The following ENDOD1 variants were observed in gnomAD, a reference collection of about 807,000 sequenced individuals.
ENDOD1 encodes endonuclease domain-containing 1 protein.
Under a neutral mutation model 6.5 loss-of-function variants are expected in ENDOD1, and 9 were observed. The observed-to-expected ratio is 1.39, with a 90% confidence interval of 0.84 to 2.43. The LOEUF (loss-of-function observed/expected upper bound fraction) is 2.43, where lower values mean the gene tolerates loss of function less well. Among genes scored for constraint, ENDOD1 ranks in the 30% most tolerant of loss-of-function variants. The pLI is 0.00. For synonymous variants in ENDOD1, 255 were observed against 255.2 expected, an observed-to-expected ratio of 1.00 and a Z score of 0.01; for missense variants, 648 against 635.5, an observed-to-expected ratio of 1.02 and a Z score of -0.21.
chr11:95,129,143 A>G lies in ENDOD1; in HGVS notation c.1067A>G (p.Asn356Ser). 1 of 1,614,178 alleles carries G rather than the reference A, an allele frequency of 6.2e-7. No individual in the cohort carries two copies. Among genetic ancestry groups the G allele is most frequent in the South Asian group, 1.1e-5 (1 of 91,092 alleles). The change falls in exon 2 of 2, where the codon AAC becomes AGC. Residue 356 changes from asparagine (N) to serine (S), a missense_variant. Physicochemically the swap from Asn to Ser is conservative, Grantham distance 46 (BLOSUM62 1). Coordinates refer to ENST00000278505, the MANE Select transcript of ENDOD1 (RefSeq NM_015036.3). ...IYYLVVAILK[N>S]IVYFLWCVTK... is the part of the protein sequence containing the mutation. ...TACCTTGTGGTAGCAATCCTGAAGA[A>G]CATTGTCTATTTCCTGTGGTGTGTT...
chr11:95,128,103 G>A (rs1453350310), intron 1 of ENDOD1, among the ~76,000 whole-genome samples: 3 of 152,244 alleles, frequency 2.0e-5, no homozygotes, highest in East Asian at 1.9e-4. Flanking sequence ...GATGGTGGGT[G>A]TGAGTGTGAG....
rs1439750664 is a variant in ENDOD1, at chr11:95,131,044, T to G, written c.*1465T>G. 3 of 152,240 alleles carry G rather than the reference T, an allele frequency of 2.0e-5. No homozygotes were observed. In the East Asian group the frequency reaches 5.8e-4, roughly 29 times the overall value. 9.4% of individuals were successfully genotyped at this position (152,240 alleles called of 1,614,324 possible). A position where few individuals can be genotyped will look rare whatever the true frequency, so the allele number is the denominator to read the frequency against. On this transcript the variant is annotated 3_prime_UTR_variant, in exon 2 of 2. Coordinates refer to ENST00000278505, the MANE Select transcript of ENDOD1 (RefSeq NM_015036.3). Reference sequence around the variant, plus strand: ...AGGAGAGAACAATATGTCAACCATTTGCATGGGGTCGATGGATGAGAAACA... The same window carrying G: ...AGGAGAGAACAATATGTCAACCATTGGCATGGGGTCGATGGATGAGAAACA...
intron 1 of ENDOD1, among the ~76,000 whole-genome samples, chr11:95,127,551 T>G (rs1474534133): frequency 2.0e-5 from 3 of 152,176 alleles, no homozygotes; most frequent in African/African-American, 7.2e-5. Flanking sequence ...TTAGAGTTGG[T>G]TATTTTTCAT....
At chr11:95,103,863 T>G (rs16921383) in intron 1 of ENDOD1, among the ~76,000 whole-genome samples, 2,621 of 152,326 alleles carry the variant, frequency 0.017, 75 homozygotes, top group African/African-American at 0.059. Flanking sequence ...GTTAAGCATG[T>G]TGAATGAATA....
chr11:95,103,100 G>GGGGT (rs1491376570), intron 1 of ENDOD1, among the ~76,000 whole-genome samples: 975 of 85,608 alleles, frequency 0.011, 13 homozygotes, highest in African/African-American at 0.026. Context: ...AGGCAGAGTG[G>GGGGT]GTGTGTGTGT....
chr11:95,124,628 G>C (rs571962832), intron 1 of ENDOD1, among the ~76,000 whole-genome samples: 206 of 152,354 alleles, frequency 1.4e-3, no homozygotes, highest in African/African-American at 4.8e-3. Context: ...ACAGGACCCA[G>C]TGTAGAATTG....
intron 1 of ENDOD1, among the ~76,000 whole-genome samples, chr11:95,106,925 A>G (rs1003606187): frequency 1.3e-5 from 2 of 152,072 alleles, no homozygotes; most frequent in Non-Finnish European, 2.9e-5. Context: ...GGTGAAGAAC[A>G]GGAGTCTGCA....
rs747239377 is a variant in ENDOD1 at position 95,128,483 on chromosome 11, A to T, written c.407A>T (p.Asp136Val). The change falls in exon 2 of 2, where the codon GAT (aspartate) becomes GTT (valine). Residue 136 changes from aspartate (D) to valine (V), a missense_variant. Coordinates refer to ENST00000278505, the MANE Select transcript of ENDOD1 (RefSeq NM_015036.3). Reference protein sequence around the residue: ...SKQALNTDYLDSDYQRGQLYP... With the variant: ...SKQALNTDYLVSDYQRGQLYP... ...CAAGCCTTGAATACAGATTACCTTG[A>T]TTCTGATTACCAAAGAGGACAGCTT... The T allele has an allele frequency of 9.9e-6, 16 of 1,614,132 alleles. No individual in the cohort carries two copies. In the Admixed American group the frequency reaches 1.0e-4, roughly 10 times the overall value.
At chr11:95,102,557 A>G (rs532313462) in intron 1 of ENDOD1, among the ~76,000 whole-genome samples, 49 of 152,272 alleles carry the variant, frequency 3.2e-4, no homozygotes, top group Non-Finnish European at 5.7e-4. Flanking sequence ...CTGTAATCCC[A>G]GCTACTTGGG....
intron 1 of ENDOD1, among the ~76,000 whole-genome samples, chr11:95,111,350 C>T (rs1019700872): frequency 1.8e-4 from 28 of 152,090 alleles, no homozygotes; most frequent in Non-Finnish European, 1.5e-5. Flanking sequence ...GAGAATTTTT[C>T]CATGGACCGG....
At chr11:95,112,870 C>T (rs929508474) in intron 1 of ENDOD1, among the ~76,000 whole-genome samples, 18 of 152,016 alleles carry the variant, frequency 1.2e-4, no homozygotes, top group African/African-American at 3.1e-4. Flanking sequence ...GCCTTGTTTC[C>T]GTAAATAGAT....
Position 95,106,153 on chromosome 11 carries a change from C to A in ENDOD1, c.300+15926C>A, listed in dbSNP as rs1339539576. Among the ~76,000 whole-genome samples the A allele has an allele frequency of 2.0e-5, 3 of 152,198 alleles. No homozygotes were observed. In the East Asian group the frequency reaches 5.8e-4, roughly 29 times the overall value. On this transcript the variant is annotated intron_variant, in intron 1 of 1. Transcript: ENST00000278505. ...CCTCCCATAAAAGTCAGCCTCCCAT[C>A]TAAATCAATCAGCCTCCCCAGATGC...
At chr11:95,100,864 T>TG (rs781877074) in intron 1 of ENDOD1, among the ~76,000 whole-genome samples, 1 of 85,444 alleles carries the variant, frequency 1.2e-5, no homozygotes, top group African/African-American at 4.2e-5. Context: ...ACCTGCTGGG[T>TG]GTTTTTTTTT....
At chr11:95,097,236 A>C (rs1335728240) in intron 1 of ENDOD1, among the ~76,000 whole-genome samples, 1 of 152,138 alleles carries the variant, frequency 6.6e-6, no homozygotes, top group East Asian at 1.9e-4. Flanking sequence ...TATCAAGGAA[A>C]AGGTGAAGTT....
intron 1 of ENDOD1, among the ~76,000 whole-genome samples, chr11:95,123,279 GTT>G (rs558668555): frequency 6.9e-6 from 1 of 144,950 alleles, no homozygotes; most frequent in Non-Finnish European, 1.5e-5. Flanking sequence ...GTAATGTCCG[GTT>G]TTTTTTTTTT....
At chr11:95,101,388 G>A (rs992014291) in intron 1 of ENDOD1, among the ~76,000 whole-genome samples, 1 of 152,126 alleles carries the variant, frequency 6.6e-6, no homozygotes, top group Admixed American at 6.5e-5. Context: ...GGATTGAGCA[G>A]TGGCAGTAAA....
chr11:95,090,296 G>C (rs1858916637), intron 1 of ENDOD1, 69 bp downstream of exon 1: 2 of 1,346,002 alleles, frequency 1.5e-6, no homozygotes, highest in Admixed American at 7.5e-5. Context: ...GCCCCCAGTT[G>C]CAGCTACCGC....
At chr11:95,105,456 A>G (rs1344614244) in intron 1 of ENDOD1, among the ~76,000 whole-genome samples, 5 of 152,070 alleles carry the variant, frequency 3.3e-5, no homozygotes, top group Admixed American at 3.3e-4. Flanking sequence ...TCCGGGGTGC[A>G]TGTGCAGGAT....
chr11:95,098,055 A>G (rs528892515), intron 1 of ENDOD1, among the ~76,000 whole-genome samples: 2 of 152,254 alleles, frequency 1.3e-5, no homozygotes, highest in Admixed American at 1.3e-4. Context: ...CTGAAATCTG[A>G]AATGCTTTAA....
Sources: gnomAD v4.1 joint callset for allele counts (sites outside exome capture counted in the v4.1 genomes callset) on GRCh38, gnomAD v4.1.1 for gene constraint, MANE v1.5 for transcripts, NCBI Gene and HGNC (gene_info 2026-07-23, HGNC 2026-07-21) for gene names.